The following PCNP variants were observed in gnomAD, a reference collection of about 807,000 sequenced individuals.
PCNP encodes the protein PEST proteolytic signal containing nuclear protein, also known as PEST proteolytic signal-containing nuclear protein.
Under a neutral mutation model 21.8 loss-of-function variants are expected in PCNP, and 6 were observed. The ratio of observed to expected loss-of-function variants is 0.28; its 90% CI spans 0.15 to 0.54. The LOEUF (loss-of-function observed/expected upper bound fraction) is 0.54, where lower values mean the gene tolerates loss of function less well. Ranked by LOEUF, PCNP falls within the 20% of genes least tolerant of loss-of-function variation. PCNP has a pLI of 0.95. For missense variants in PCNP, 161 were observed against 215.5 expected, an observed-to-expected ratio of 0.75 and a Z score of 1.58; for synonymous variants, 67 against 73.2, an observed-to-expected ratio of 0.92 and a Z score of 0.43.
chr3:101,579,324 TG>T (rs1051512209), intron 1 of PCNP, among the ~76,000 whole-genome samples: 1 of 152,150 alleles, frequency 6.6e-6, no homozygotes, highest in Non-Finnish European at 1.5e-5. Context: ...TGGGTAATAA[TG>T]GGCCTGTTTA....
chr3:101,584,550 G>GTTTTTATTTTTTATTT (rs1559961162), intron 2 of PCNP, among the ~76,000 whole-genome samples: 2 of 152,050 alleles, frequency 1.3e-5, no homozygotes, highest in African/African-American at 4.8e-5. Flanking sequence ...AGGAAAGGGT[G>GTTTTTATTTTTTATTT]TTTTTATTTT....
intron 1 of PCNP, among the ~76,000 whole-genome samples, chr3:101,575,876 G>C (rs1934852068): frequency 6.6e-6 from 1 of 152,158 alleles, no homozygotes; most frequent in Non-Finnish European, 1.5e-5. Flanking sequence ...AGAAGTAGTA[G>C]AGAATTACTT....
At chr3:101,586,326 T>G (rs58907984) in intron 3 of PCNP, among the ~76,000 whole-genome samples, 35,536 of 151,894 alleles carry the variant, frequency 0.23, 4,364 homozygotes, top group East Asian at 0.29. Flanking sequence ...TATCTGATAG[T>G]GTCTTTGTCC....
intron 2 of PCNP, among the ~76,000 whole-genome samples, chr3:101,585,128 G>T (rs1277765850): frequency 6.6e-6 from 1 of 152,192 alleles, no homozygotes; most frequent in Non-Finnish European, 1.5e-5. Flanking sequence ...CTGTGGGAAG[G>T]TATTACTAAT....
chr3:101,574,653 C>T (rs1038411672), intron 1 of PCNP, among the ~76,000 whole-genome samples: 1 of 152,230 alleles, frequency 6.6e-6, no homozygotes, highest in Non-Finnish European at 1.5e-5. Context: ...ACCGGAGACG[C>T]TCATGAGACA....
chr3:101,588,055 G>A (rs1200838118), intron 3 of PCNP, among the ~76,000 whole-genome samples: 7 of 152,118 alleles, frequency 4.6e-5, no homozygotes, highest in East Asian at 3.9e-4. Flanking sequence ...GGTGGATCAC[G>A]AGGTCAGGAG....
In PCNP at chr3:101,579,895, A is replaced by AAGC. The variant is rs770822022; in HGVS notation, c.171_173dup (p.Ala59dup). 1.6e-4 allele frequency: 259 copies of AAGC among 1,613,880 alleles called. No homozygotes were observed. In the Admixed American group the frequency reaches 1.8e-3, roughly 11 times the overall value. On this transcript the variant is annotated inframe_insertion, in exon 2 of 5. Transcript: ENST00000265260. ...GCTGAGAAGCGATCAGCTGAAGAAG[A>AAGC]AGCTGCCGACCTCCCAACAAAGCCT...
At chr3:101,574,375 G>A in intron 1 of PCNP, 96 bp downstream of exon 1, 1 of 1,398,824 alleles carries the variant, frequency 7.1e-7, no homozygotes, top group Non-Finnish European at 9.6e-7. Flanking sequence ...GAGAATGGGC[G>A]GATCTGGACC....
At chr3:101,583,222 C>G (rs1179091725) in intron 2 of PCNP, among the ~76,000 whole-genome samples, 2 of 152,098 alleles carry the variant, frequency 1.3e-5, no homozygotes, top group Non-Finnish European at 2.9e-5. Context: ...TTTGGGAGGC[C>G]AAGTCAGTGG....
intron 1 of PCNP, among the ~76,000 whole-genome samples, chr3:101,578,332 CTG>C (rs903503747): frequency 1.3e-5 from 2 of 152,194 alleles, no homozygotes; most frequent in East Asian, 3.8e-4. Context: ...TCTGAAAAAA[CTG>C]TTTGCATCAT....
intron 2 of PCNP, among the ~76,000 whole-genome samples, chr3:101,583,392 T>G (rs1935332541): frequency 6.6e-6 from 1 of 152,024 alleles, no homozygotes; most frequent in African/African-American, 2.4e-5. Context: ...AGGTGGAGGT[T>G]GTAGTGAGCT....
chr3:101,583,007 T>C (rs1935306490), intron 2 of PCNP, among the ~76,000 whole-genome samples: 1 of 152,156 alleles, frequency 6.6e-6, no homozygotes, highest in Non-Finnish European at 1.5e-5. Context: ...TATGGTACCA[T>C]ATAGATGGTT....
chr3:101,581,275 A>G (rs1367946171), intron 2 of PCNP, among the ~76,000 whole-genome samples: 1 of 152,154 alleles, frequency 6.6e-6, no homozygotes, highest in Non-Finnish European at 1.5e-5. Flanking sequence ...AACTGCATAA[A>G]TATTTAATGT....
At chr3:101,587,530 A>C (rs1935594327) in intron 3 of PCNP, among the ~76,000 whole-genome samples, 1 of 151,904 alleles carries the variant, frequency 6.6e-6, no homozygotes. Context: ...TCACCTAGGA[A>C]CTCAGCCTAG....
chr3:101,586,983 G>C (rs927635741), intron 3 of PCNP, among the ~76,000 whole-genome samples: 1 of 152,206 alleles, frequency 6.6e-6, no homozygotes, highest in Non-Finnish European at 1.5e-5. Flanking sequence ...GCCGCGCGCA[G>C]TGGCTCATGG....
In PCNP at chr3:101,592,942, T is replaced by G. The variant is rs1447301280; in HGVS notation, c.*189T>G. On this transcript the variant is annotated 3_prime_UTR_variant, in exon 5 of 5. Coordinates refer to ENST00000265260, the MANE Select transcript of PCNP (RefSeq NM_020357.3). The stretch of plus-strand genomic sequence containing the variant: ...GTAATTTATGTTTTATATACAGATT[T>G]CAAGACATTTGCTAATTTTGTAGTT... 5.1e-6 allele frequency: 2 copies of G among 391,806 alleles called. No homozygotes were observed. Among genetic ancestry groups the G allele is most frequent in the Admixed American group, 4.5e-5 (1 of 22,066 alleles). 24.3% of individuals were successfully genotyped at this position (391,806 alleles called of 1,614,324 possible).
chr3:101,577,502 A>G (rs764890148), intron 1 of PCNP, among the ~76,000 whole-genome samples: 1 of 152,160 alleles, frequency 6.6e-6, no homozygotes, highest in Non-Finnish European at 1.5e-5. Flanking sequence ...ACCCTTACAG[A>G]CTTAAACTTT....
At chr3:101,591,080 C>G (rs1184514191) in intron 4 of PCNP, among the ~76,000 whole-genome samples, 1 of 152,200 alleles carries the variant, frequency 6.6e-6, no homozygotes, top group African/African-American at 2.4e-5. Flanking sequence ...CCAGCCACTT[C>G]ACTTACGATA....
chr3:101,577,171 G>C (rs1934963244), intron 1 of PCNP, among the ~76,000 whole-genome samples: 1 of 152,188 alleles, frequency 6.6e-6, no homozygotes, highest in Non-Finnish European at 1.5e-5. Context: ...TGAACTACCT[G>C]CTTTAAATAA....
Sources: allele counts gnomAD v4.1 joint callset (sites outside exome capture counted in the v4.1 genomes callset), GRCh38; gene constraint gnomAD v4.1.1; transcripts MANE v1.5; gene names NCBI Gene and HGNC (gene_info 2026-07-23, HGNC 2026-07-21).